SESN1: variants seen among roughly 807,000 people sequenced by gnomAD.
SESN1 encodes the protein sestrin 1.
SESN1 carries 30 observed loss-of-function variants against 59.3 expected under a neutral mutation model. The ratio of observed to expected loss-of-function variants is 0.51; its 90% CI spans 0.38 to 0.69. The LOEUF (loss-of-function observed/expected upper bound fraction) is 0.69, where lower values mean the gene tolerates loss of function less well. Ranked by LOEUF, SESN1 falls within the 30% of genes least tolerant of loss-of-function variation. The probability of loss-of-function intolerance (pLI) is 0.00; values close to 1 mark genes in which losing one functional copy is unlikely to be tolerated. For synonymous variants in SESN1, 197 were observed against 219.9 expected (o/e 0.90, Z 0.92); for missense variants, 566 against 673.0 (o/e 0.84, Z 1.76).
intron 1 of SESN1, among the ~76,000 whole-genome samples, chr6:109,041,178 G>A (rs1247147620): frequency 1.3e-5 from 2 of 151,382 alleles, no homozygotes; most frequent in African/African-American, 4.8e-5. Context: ...CAGGCATTGT[G>A]GCATGCACCT....
intron 1 of SESN1, 40 bp downstream of exon 1, chr6:109,093,755 G>T: frequency 5.1e-6 from 8 of 1,583,782 alleles, no homozygotes; most frequent in Non-Finnish European, 6.9e-6. Context: ...AAATTTAACT[G>T]TAGTAGAGAC....
At position 108,986,084 on chromosome 6, in the gene SESN1, C is replaced by CACA. The variant is rs1358001817; in HGVS notation, c.*1457_*1459dup. ...GAGGAGTAACTAACAGAGTTATCAT[C>CACA]ACAACAGCTTCAGTTAAACTTAGAG... On this transcript the variant is annotated 3_prime_UTR_variant, in exon 10 of 10. Transcript: ENST00000436639. Among the ~76,000 whole-genome samples the CACA allele has an allele frequency of 6.6e-6, 1 of 150,966 alleles. No individual in the cohort carries two copies. The highest frequency in any genetic ancestry group is 1.5e-5 in the Non-Finnish European group (1 of 67,548).
intron 1 of SESN1, among the ~76,000 whole-genome samples, chr6:109,011,706 G>A (rs778372809): frequency 6.7e-6 from 1 of 148,844 alleles, no homozygotes; most frequent in African/African-American, 2.5e-5. Flanking sequence ...ACAGTTCACT[G>A]CAGCCTTGAC....
intron 3 of SESN1, among the ~76,000 whole-genome samples, chr6:109,000,890 G>A (rs1323667443): frequency 6.6e-6 from 1 of 152,030 alleles, no homozygotes. Flanking sequence ...TCTGATAAAA[G>A]TATTTGAACT....
intron 1 of SESN1, among the ~76,000 whole-genome samples, chr6:109,014,823 A>AC: frequency 6.6e-6 from 1 of 152,086 alleles, no homozygotes; most frequent in East Asian, 1.9e-4. Context: ...TCCTCACATG[A>AC]CCCCCGTTTC....
Position 108,988,164 on chromosome 6 carries a change from C to T in SESN1, c.1569+379G>A, listed in dbSNP as rs113394940. On this transcript the variant is annotated intron_variant, in intron 9 of 9. Transcript: ENST00000436639. ...TGTTTCTTGGAGGTTTGTTACATGT[C>T]AGAAAATCTAGACACTGTTTTATCA... Among the ~76,000 whole-genome samples, 367 of 152,256 alleles carry T rather than the reference C, an allele frequency of 2.4e-3. 1 individual carries two copies. Among genetic ancestry groups the T allele is most frequent in the African/African-American group, 8.4e-3 (350 of 41,540 alleles).
chr6:109,026,425 A>G (rs1189058309), intron 1 of SESN1, among the ~76,000 whole-genome samples: 1 of 152,198 alleles, frequency 6.6e-6, no homozygotes, highest in African/African-American at 2.4e-5. Context: ...CGAATTCTGA[A>G]TAGCTTTGTG....
chr6:109,080,659 T>C lies in SESN1; in HGVS notation c.279+13136A>G, dbSNP rs115765331. Among the ~76,000 whole-genome samples the C allele has an allele frequency of 7.8e-3, 1,195 of 152,330 alleles. 21 individuals carry two copies. The highest frequency in any genetic ancestry group is 0.028 in the African/African-American group (1,145 of 41,570). On this transcript the variant is annotated intron_variant, in intron 1 of 9. Coordinates refer to ENST00000436639, the MANE Select transcript of SESN1 (RefSeq NM_014454.3). ...TTTGGGAAAGAAAGTAATATATTTT[T>C]ACTGTTAGGAATCTTAACGTTAAAT...
intron 1 of SESN1, among the ~76,000 whole-genome samples, chr6:109,011,307 A>C (rs1779854360): frequency 6.6e-6 from 1 of 152,228 alleles, no homozygotes; most frequent in South Asian, 2.1e-4. Context: ...CTGAAATTGT[A>C]TAGGAAGCTC....
chr6:109,072,863 G>T (rs1405579067), intron 1 of SESN1, among the ~76,000 whole-genome samples: 1 of 151,338 alleles, frequency 6.6e-6, no homozygotes, highest in Non-Finnish European at 1.5e-5. Flanking sequence ...AGTTGACTAC[G>T]GAATCACCAA....
At chr6:109,003,225 A>T (rs1037971178) in intron 1 of SESN1, among the ~76,000 whole-genome samples, 2 of 151,620 alleles carry the variant, frequency 1.3e-5, no homozygotes, top group African/African-American at 4.8e-5. Flanking sequence ...TTTTTTTTAG[A>T]ATTTATACAA....
chr6:109,005,410 C>T (rs1337825504), intron 1 of SESN1, among the ~76,000 whole-genome samples: 1 of 152,110 alleles, frequency 6.6e-6, no homozygotes, highest in Non-Finnish European at 1.5e-5. Flanking sequence ...CTTACAAATA[C>T]ATTAGCATCA....
At chr6:109,085,128 GAA>G (rs1230968760) in intron 1 of SESN1, among the ~76,000 whole-genome samples, 2 of 120,780 alleles carry the variant, frequency 1.7e-5, no homozygotes, top group African/African-American at 6.0e-5. Context: ...GCAACCAACA[GAA>G]AAAAAAAAAA....
Position 108,985,291 on chromosome 6 carries a change from CA to C in SESN1, c.*2252del, listed in dbSNP as rs71641614. 0.1 allele frequency among the ~76,000 whole-genome samples: 15,245 copies of C among 152,100 alleles called. 901 individuals are homozygous for C. The highest frequency in any genetic ancestry group is 0.19 in the Middle Eastern group (55 of 292). On this transcript the variant is annotated 3_prime_UTR_variant, in exon 10 of 10. Coordinates refer to ENST00000436639, the MANE Select transcript of SESN1 (RefSeq NM_014454.3). Reference sequence around the variant, plus strand: ...TTTCCCAAATACGGCCAAAACAACTCAAGATTTTAACTCTTGAATCCTGGGA... The same window carrying C: ...TTTCCCAAATACGGCCAAAACAACTCAGATTTTAACTCTTGAATCCTGGGA...
At chr6:109,057,224 T>C (rs1356414121) in intron 1 of SESN1, among the ~76,000 whole-genome samples, 1 of 152,188 alleles carries the variant, frequency 6.6e-6, no homozygotes, top group Non-Finnish European at 1.5e-5. Flanking sequence ...AGAAACTATG[T>C]GAGATAATTA....
intron 1 of SESN1, among the ~76,000 whole-genome samples, chr6:109,065,848 CTATTA>C (rs1780816144): frequency 6.6e-6 from 1 of 151,714 alleles, no homozygotes; most frequent in South Asian, 2.1e-4. Context: ...TACCTTTTCT[CTATTA>C]TAATAGAAGA....
chr6:109,094,645 T>C lies in SESN1; in HGVS notation c.-572A>G, dbSNP rs1781453045. Reference sequence around the variant, plus strand: ...CCACTGGCCGCAGCGGCCGGAGGCTTGGGCGCTGTCGGAGGGCGGCAGTCT... The same window carrying C: ...CCACTGGCCGCAGCGGCCGGAGGCTCGGGCGCTGTCGGAGGGCGGCAGTCT... On this transcript the variant is annotated 5_prime_UTR_variant, in exon 1 of 10. Coordinates refer to ENST00000436639, the MANE Select transcript of SESN1 (RefSeq NM_014454.3). The C allele has an allele frequency of 1.3e-5, 2 of 151,874 alleles. No individual in the cohort carries two copies. The highest frequency in any genetic ancestry group is 4.1e-4 in the South Asian group (2 of 4,838). The allele number at this position is 151,874 out of a possible 1,614,324, so 9.4% of individuals were successfully genotyped here.
intron 1 of SESN1, among the ~76,000 whole-genome samples, chr6:109,059,897 C>T (rs1350804930): frequency 6.6e-6 from 1 of 152,086 alleles, no homozygotes; most frequent in Non-Finnish European, 1.5e-5. Flanking sequence ...GGAAGACAGG[C>T]CTAGACTATA....
rs183384321 is a variant in SESN1 at position 109,085,500 on chromosome 6, C to A, written c.279+8295G>T. 8.1e-3 allele frequency among the ~76,000 whole-genome samples: 1,183 copies of A among 146,438 alleles called. 21 individuals are homozygous for A. Among genetic ancestry groups the A allele is most frequent in the African/African-American group, 0.03 (1,133 of 38,072 alleles). ...CACCACTGCACTCCAGCCTAGGTGA[C>A]AGAGTGACACTCCGTCACACACACA... On this transcript the variant is annotated intron_variant, in intron 1 of 9. Coordinates refer to ENST00000436639, the MANE Select transcript of SESN1 (RefSeq NM_014454.3).
Sources: allele counts gnomAD v4.1 joint callset (sites outside exome capture counted in the v4.1 genomes callset), GRCh38; gene constraint gnomAD v4.1.1; transcripts MANE v1.5; gene names NCBI Gene and HGNC (gene_info 2026-07-23, HGNC 2026-07-21).